Variants in ATP2B2 observed in about 807,000 individuals in gnomAD.
The protein encoded by ATP2B2 is ATPase plasma membrane Ca2+ transporting 2.
In ATP2B2, 15 loss-of-function variants were observed where a neutral mutation model predicts 120.0. The observed-to-expected ratio is 0.12, with a 90% CI of 0.08 to 0.19. ATP2B2 has a LOEUF of 0.19. Among genes scored for constraint, ATP2B2 ranks in the 10% least tolerant of loss-of-function variants. The pLI, the probability that ATP2B2 is intolerant of heterozygous loss-of-function variation, is 1.00. For synonymous variants in ATP2B2, 694 were observed against 700.3 expected (o/e 0.99, Z 0.14); for missense variants, 1,045 against 1,719.8 (o/e 0.61, Z 6.94).
chr3:10,474,515 C>G (rs1229448012), intron 1 of ATP2B2, among the ~76,000 whole-genome samples: 1 of 152,194 alleles, frequency 6.6e-6, no homozygotes, highest in Non-Finnish European at 1.5e-5. Context: ...CATTAGAGGT[C>G]AGGTAGAGGA....
chr3:10,512,464 G>GCGCACACACA (rs749056818), intron 3 of ATP2B2, among the ~76,000 whole-genome samples: 9 of 136,926 alleles, frequency 6.6e-5, no homozygotes, highest in East Asian at 4.5e-4. Context: ...AAGTGTGTGC[G>GCGCACACACA]CACACACACA....
intron 2 of ATP2B2, among the ~76,000 whole-genome samples, chr3:10,569,399 G>A (rs753001529): frequency 7.2e-5 from 11 of 152,134 alleles, no homozygotes; most frequent in Non-Finnish European, 1.0e-4. Context: ...TCGGTCCCAC[G>A]GTGAGGAAGT....
chr3:10,572,276 A>G (rs890253313), intron 2 of ATP2B2, among the ~76,000 whole-genome samples: 1 of 152,222 alleles, frequency 6.6e-6, no homozygotes, highest in African/African-American at 2.4e-5. Flanking sequence ...TTTGTTACAC[A>G]GCATCAGTAT....
intron 2 of ATP2B2, among the ~76,000 whole-genome samples, chr3:10,548,239 A>G (rs2067593262): frequency 6.6e-6 from 1 of 152,260 alleles, no homozygotes; most frequent in Admixed American, 6.5e-5. Context: ...TCTCCAAGCT[A>G]TATAGAAACG....
At chr3:10,586,687 A>C (rs1161039275) in intron 2 of ATP2B2, among the ~76,000 whole-genome samples, 6 of 152,170 alleles carry the variant, frequency 3.9e-5, no homozygotes, top group Admixed American at 6.5e-5. Context: ...ACAGCTTAGA[A>C]ACATGCCACC....
At chr3:10,665,988 T>C (rs750418423) in intron 1 of ATP2B2, among the ~76,000 whole-genome samples, 5 of 152,104 alleles carry the variant, frequency 3.3e-5, no homozygotes, top group African/African-American at 4.8e-5. Flanking sequence ...ATGCATTTCA[T>C]AGGGAAAGAA....
At chr3:10,344,705 T>G (rs1407642430) in intron 18 of ATP2B2, among the ~76,000 whole-genome samples, 2 of 152,176 alleles carry the variant, frequency 1.3e-5, no homozygotes, top group Non-Finnish European at 2.9e-5. Flanking sequence ...CAGTCCATCC[T>G]CTGAGCCTCA....
At chr3:10,645,798 T>C (rs1189858723) in intron 1 of ATP2B2, among the ~76,000 whole-genome samples, 1 of 152,154 alleles carries the variant, frequency 6.6e-6, no homozygotes, top group African/African-American at 2.4e-5. Flanking sequence ...GATAATTGGG[T>C]TCCCTTTCAT....
At chr3:10,438,979 C>A (rs1257605529) in intron 2 of ATP2B2, among the ~76,000 whole-genome samples, 2 of 152,200 alleles carry the variant, frequency 1.3e-5, no homozygotes, top group Non-Finnish European at 2.9e-5. Context: ...ATTCTGGTCC[C>A]CCGCTAAACC....
chr3:10,667,296 G>T (rs2070966679), intron 1 of ATP2B2, among the ~76,000 whole-genome samples: 1 of 152,212 alleles, frequency 6.6e-6, no homozygotes, highest in Non-Finnish European at 1.5e-5. Flanking sequence ...TCCAGCTGGT[G>T]AGCAGTGGTG....
chr3:10,349,046 G>A (rs1239018028), intron 16 of ATP2B2, among the ~76,000 whole-genome samples: 1 of 152,256 alleles, frequency 6.6e-6, no homozygotes, highest in African/African-American at 2.4e-5. Context: ...CTGATCTCCA[G>A]TGGAGCCCTG....
chr3:10,568,951 C>A (rs1269513118), intron 2 of ATP2B2, among the ~76,000 whole-genome samples: 1 of 152,222 alleles, frequency 6.6e-6, no homozygotes, highest in Non-Finnish European at 1.5e-5. Flanking sequence ...GAGTTGCCAT[C>A]AGCTAGAAAC....
intron 2 of ATP2B2, among the ~76,000 whole-genome samples, chr3:10,591,033 C>T (rs2068632104): frequency 6.6e-6 from 1 of 151,856 alleles, no homozygotes; most frequent in Non-Finnish European, 1.5e-5. Context: ...TCTACATGCG[C>T]TTTATCTCAG....
In ATP2B2 at chr3:10,449,379, G is replaced by A. The variant is rs148035720; in HGVS notation, c.165C>T (p.Ala55=). Residue 55 remains alanine (A), a synonymous_variant, in exon 2 of 23, where the codon GCC becomes GCT. Coordinates refer to ENST00000360273, the MANE Select transcript of ATP2B2 (RefSeq NM_001001331.4). ...KIKETYGDTE[A]ICRRLKTSPV... is the part of the protein sequence containing the mutation. ...GTGAGGTTTTGAGGCGCCGGCAGAT[G>A]GCTTCGGTGTCCCCATAAGTCTCCT... 2 of 1,614,134 alleles carry A rather than the reference G, an allele frequency of 1.2e-6. No individual in the cohort carries two copies. The highest frequency in any genetic ancestry group is 1.7e-6 in the Non-Finnish European group (2 of 1,180,054).
At chr3:10,400,060 G>T (rs991170942) in intron 5 of ATP2B2, among the ~76,000 whole-genome samples, 3 of 152,226 alleles carry the variant, frequency 2.0e-5, no homozygotes, top group Non-Finnish European at 4.4e-5. Flanking sequence ...TTTGCAGAGG[G>T]TGTTTGCTGA....
intron 1 of ATP2B2, 65 bp from the exon 2 acceptor site, chr3:10,449,927 C>A: frequency 2.8e-6 from 1 of 358,498 alleles, no homozygotes; most frequent in Middle Eastern, 9.4e-4. Context: ...GACAGGTGCT[C>A]AGGAAGGCCC....
At chr3:10,334,794 C>G (rs79583928) in intron 22 of ATP2B2, among the ~76,000 whole-genome samples, 1,364 of 115,260 alleles carry the variant, frequency 0.012, 19 homozygotes, top group African/African-American at 0.041. Flanking sequence ...ACCAGCACAC[C>G]GGGTTACCTG....
At chr3:10,332,648 C>T (rs868671059) in intron 22 of ATP2B2, among the ~76,000 whole-genome samples, 17 of 152,246 alleles carry the variant, frequency 1.1e-4, no homozygotes, top group South Asian at 2.1e-4. Context: ...GCACTGGTTC[C>T]GGAATGGAAG....
intron 1 of ATP2B2, among the ~76,000 whole-genome samples, chr3:10,470,815 CT>C: frequency 6.6e-6 from 1 of 152,156 alleles, no homozygotes; most frequent in Non-Finnish European, 1.5e-5. Context: ...GAGCAGTGAC[CT>C]TTGATTCCAG....
Sources: allele counts gnomAD v4.1 joint callset (sites outside exome capture counted in the v4.1 genomes callset), GRCh38; gene constraint gnomAD v4.1.1; transcripts MANE v1.5; gene names NCBI Gene and HGNC (gene_info 2026-07-23, HGNC 2026-07-21).